KCNH8: variants seen among roughly 807,000 people sequenced by gnomAD.
KCNH8 encodes potassium voltage-gated channel subfamily H member 8, also known as voltage-gated delayed rectifier potassium channel KCNH8.
A neutral mutation model predicts 103.6 loss-of-function variants in KCNH8; 70 were observed. The ratio of observed to expected loss-of-function variants is 0.68; its 90% CI spans 0.56 to 0.82. KCNH8 has a LOEUF of 0.82. KCNH8 is among the 40% of genes least tolerant of loss of function. The pLI, the probability that KCNH8 is intolerant of heterozygous loss-of-function variation, is 0.00. For synonymous variants in KCNH8, 498 were observed against 489.4 expected (o/e 1.02, Z -0.23); for missense variants, 1,217 against 1,329.9 (o/e 0.92, Z 1.32).
At chr3:19,330,473 T>C (rs979733885) in intron 3 of KCNH8, among the ~76,000 whole-genome samples, 1 of 152,200 alleles carries the variant, frequency 6.6e-6, no homozygotes, top group African/African-American at 2.4e-5. Context: ...AGACAATGAA[T>C]TTCCAGCACC....
intron 1 of KCNH8, among the ~76,000 whole-genome samples, chr3:19,195,096 T>C (rs942374554): frequency 6.6e-6 from 1 of 151,792 alleles, no homozygotes; most frequent in Non-Finnish European, 1.5e-5. Flanking sequence ...TATAATCAAA[T>C]TTTTCCCTGA....
At chr3:19,255,421 T>G (rs2064334634) in intron 2 of KCNH8, among the ~76,000 whole-genome samples, 2 of 152,162 alleles carry the variant, frequency 1.3e-5, no homozygotes, top group Non-Finnish European at 2.9e-5. Flanking sequence ...CAGAGACAGT[T>G]TGATGTCCTC....
intron 10 of KCNH8, among the ~76,000 whole-genome samples, chr3:19,451,920 T>TAGA (rs2067454347): frequency 6.6e-6 from 1 of 152,146 alleles, no homozygotes; most frequent in Non-Finnish European, 1.5e-5. Flanking sequence ...TCTTTTTACT[T>TAGA]CCTTAAAGAA....
At chr3:19,349,333 A>G (rs540679166) in intron 5 of KCNH8, among the ~76,000 whole-genome samples, 243 of 152,126 alleles carry the variant, frequency 1.6e-3, no homozygotes, top group African/African-American at 5.6e-3. Context: ...GTATCCTTTT[A>G]CTTTGCCAAC....
chr3:19,175,504 C>T (rs943975121), intron 1 of KCNH8, among the ~76,000 whole-genome samples: 7 of 152,100 alleles, frequency 4.6e-5, no homozygotes, highest in East Asian at 1.9e-4. Flanking sequence ...CCCCCGCGCC[C>T]GGCCAACTGT....
chr3:19,513,610 G>A (rs1157598809), intron 13 of KCNH8, among the ~76,000 whole-genome samples: 1 of 152,048 alleles, frequency 6.6e-6, no homozygotes, highest in East Asian at 1.9e-4. Context: ...TTCCTACCTT[G>A]TGATTTTATG....
intron 12 of KCNH8, among the ~76,000 whole-genome samples, chr3:19,511,672 A>T (rs1333256443): frequency 6.6e-6 from 1 of 152,138 alleles, no homozygotes; most frequent in Non-Finnish European, 1.5e-5. Context: ...TAACATCATG[A>T]CTATCCCAGC....
intron 3 of KCNH8, among the ~76,000 whole-genome samples, chr3:19,317,728 A>G (rs542345504): frequency 1.3e-5 from 2 of 152,110 alleles, no homozygotes; most frequent in South Asian, 2.1e-4. Flanking sequence ...CAAAAAGCAC[A>G]TAATTATCTC....
At chr3:19,160,881 A>G (rs2063227029) in intron 1 of KCNH8, among the ~76,000 whole-genome samples, 1 of 152,094 alleles carries the variant, frequency 6.6e-6, no homozygotes, top group Non-Finnish European at 1.5e-5. Flanking sequence ...ATTCAAGTAA[A>G]CCTTATTTTA....
chr3:19,482,969 A>T (rs574225027), intron 11 of KCNH8, among the ~76,000 whole-genome samples: 1 of 152,262 alleles, frequency 6.6e-6, no homozygotes, highest in Admixed American at 6.5e-5. Context: ...GGAGTCTGGT[A>T]TCCCCACGAG....
At position 19,533,749 on chromosome 3, in the gene KCNH8, GAT is replaced by G; in HGVS notation, c.2975_2976del (p.Asp992ValfsTer110). On this transcript the variant is annotated frameshift_variant, in exon 16 of 16. Coordinates refer to ENST00000328405, the MANE Select transcript of KCNH8 (RefSeq NM_144633.3). LOFTEE classifies it high-confidence loss of function. The part of the protein sequence containing the change: ...DSELYHSPSL[D>X]YSPSHYQVVQ... The stretch of plus-strand genomic sequence containing the variant: ...TGAACTTTATCATTCTCCAAGCCTT[GAT>G]TATTCACCTTCCCACTACCAGGTTG... 6.2e-7 allele frequency: 1 copy of G among 1,614,154 alleles called. No homozygotes were observed. Among genetic ancestry groups the G allele is most frequent in the South Asian group, 1.1e-5 (1 of 91,088 alleles).
chr3:19,415,694 G>T (rs781748036), intron 7 of KCNH8, among the ~76,000 whole-genome samples: 1 of 151,938 alleles, frequency 6.6e-6, no homozygotes, highest in African/African-American at 2.4e-5. Flanking sequence ...AACATATTAG[G>T]TTGGTGCAAA....
chr3:19,319,867 A>T (rs2065326585), intron 3 of KCNH8, among the ~76,000 whole-genome samples: 1 of 152,040 alleles, frequency 6.6e-6, no homozygotes, highest in Admixed American at 6.6e-5. Context: ...TTTCTTGTAG[A>T]GGTCTTTCAC....
chr3:19,216,722 C>T (rs1236323898), intron 1 of KCNH8, among the ~76,000 whole-genome samples: 1 of 152,228 alleles, frequency 6.6e-6, no homozygotes, highest in Non-Finnish European at 1.5e-5. Context: ...GTGCTGCTCA[C>T]TCATTGATAC....
At chr3:19,365,421 G>C (rs954775893) in intron 5 of KCNH8, among the ~76,000 whole-genome samples, 1 of 151,756 alleles carries the variant, frequency 6.6e-6, no homozygotes, top group East Asian at 1.9e-4. Flanking sequence ...TTATTTCTCT[G>C]TGTTTTATAA....
chr3:19,446,108 A>ATAAC (rs1017865926), intron 8 of KCNH8, among the ~76,000 whole-genome samples: 1 of 152,074 alleles, frequency 6.6e-6, no homozygotes, highest in Admixed American at 6.6e-5. Flanking sequence ...CCATACATAT[A>ATAAC]TAACTATTTT....
At chr3:19,304,777 G>T (rs1424190548) in intron 3 of KCNH8, among the ~76,000 whole-genome samples, 4 of 152,120 alleles carry the variant, frequency 2.6e-5, no homozygotes, top group Admixed American at 2.6e-4. Flanking sequence ...ACCACTAGCT[G>T]CATGTGGCTA....
At chr3:19,304,631 A>G (rs2065106832) in intron 3 of KCNH8, among the ~76,000 whole-genome samples, 10 of 152,098 alleles carry the variant, frequency 6.6e-5, no homozygotes, top group Admixed American at 6.6e-4. Flanking sequence ...AATCTTCCAG[A>G]AATTAGAGCA....
chr3:19,464,702 T>C (rs965808546), intron 11 of KCNH8, among the ~76,000 whole-genome samples: 1 of 152,162 alleles, frequency 6.6e-6, no homozygotes, highest in Non-Finnish European at 1.5e-5. Context: ...ACTTCAGTTT[T>C]TAAAATGAGG....
Sources: allele counts gnomAD v4.1 joint callset (sites outside exome capture counted in the v4.1 genomes callset), GRCh38; gene constraint gnomAD v4.1.1; transcripts MANE v1.5; gene names NCBI Gene and HGNC (gene_info 2026-07-23, HGNC 2026-07-21).